Variants in RPRD1A observed in about 807,000 individuals in gnomAD.
RPRD1A encodes regulation of nuclear pre-mRNA domain-containing protein 1A.
In RPRD1A, 9 loss-of-function variants were observed where a neutral mutation model predicts 37.8. The ratio of observed to expected loss-of-function variants is 0.24; its 90% CI spans 0.14 to 0.42. The LOEUF is 0.42. RPRD1A is among the 10% of genes least tolerant of loss of function. The probability of loss-of-function intolerance (pLI) is 1.00; values close to 1 mark genes in which losing one functional copy is unlikely to be tolerated. For synonymous variants in RPRD1A, 138 were observed against 139.7 expected, an observed-to-expected ratio of 0.99 and a Z score of 0.08; for missense variants, 255 against 371.0, an observed-to-expected ratio of 0.69 and a Z score of 2.57.
Position 36,035,716 on chromosome 18 carries a change from A to C in RPRD1A, c.152-1879T>G, listed in dbSNP as rs34468273. On this transcript the variant is annotated intron_variant, in intron 1 of 6. Transcript: ENST00000399022. ...AACCTAACCCACTGATCAATGAATA[A>C]ACAAAATGTGAATTATATATTCAAT... 2.5e-3 allele frequency among the ~76,000 whole-genome samples: 381 copies of C among 152,362 alleles called. 3 individuals are homozygous for C. Among genetic ancestry groups the C allele is most frequent in the Non-Finnish European group, 4.6e-3 (313 of 68,022 alleles).
chr18:36,047,581 G>A (rs933971384), intron 1 of RPRD1A, among the ~76,000 whole-genome samples: 1 of 152,106 alleles, frequency 6.6e-6, no homozygotes, highest in African/African-American at 2.4e-5. Flanking sequence ...AAAGCCTCTA[G>A]CCAGAATGAC....
At chr18:36,044,127 G>A (rs1774194212) in intron 1 of RPRD1A, among the ~76,000 whole-genome samples, 1 of 152,150 alleles carries the variant, frequency 6.6e-6, no homozygotes, top group Admixed American at 6.5e-5. Context: ...TCATTTTAAT[G>A]TTGAATAGGC....
At chr18:36,025,811 C>T (rs943546891) in intron 6 of RPRD1A, 4 of 313,338 alleles carry the variant, frequency 1.3e-5, no homozygotes, top group Non-Finnish European at 2.4e-5. Context: ...GAGGTTTCAT[C>T]ACAAGGTGAA....
intron 6 of RPRD1A, 104 bp from the exon 7 acceptor site, chr18:35,993,404 A>G: frequency 2.7e-6 from 3 of 1,105,260 alleles, no homozygotes; most frequent in East Asian, 2.7e-5. Context: ...AGTTAATGCC[A>G]TATTTAAAAA....
chr18:36,056,681 G>GT (rs1913795660), intron 1 of RPRD1A, among the ~76,000 whole-genome samples: 1 of 151,864 alleles, frequency 6.6e-6, no homozygotes, highest in African/African-American at 2.4e-5. Flanking sequence ...TTCAACGTAA[G>GT]TATGGTAAAC....
chr18:36,035,788 A>G (rs994213369), intron 1 of RPRD1A, among the ~76,000 whole-genome samples: 1 of 152,226 alleles, frequency 6.6e-6, no homozygotes, highest in Non-Finnish European at 1.5e-5. Flanking sequence ...GACGCATGTT[A>G]CAACATGGAT....
At chr18:36,002,865 T>C (rs140773695) in intron 6 of RPRD1A, among the ~76,000 whole-genome samples, 1 of 152,318 alleles carries the variant, frequency 6.6e-6, no homozygotes, top group East Asian at 1.9e-4. Context: ...CGTTAGACTG[T>C]GTATAAGATC....
chr18:36,063,098 G>A (rs2088949257), intron 1 of RPRD1A: 1 of 152,194 alleles, frequency 6.6e-6, no homozygotes, highest in South Asian at 2.1e-4. Flanking sequence ...CAAAGATAAG[G>A]AAGGTAGGAA....
intron 1 of RPRD1A, 61 bp downstream of exon 1, chr18:36,067,193 C>T (rs2089049034): frequency 6.7e-7 from 1 of 1,499,576 alleles, no homozygotes; most frequent in Non-Finnish European, 9.0e-7. Context: ...AACGGGGTTC[C>T]CGGGGGCGCC....
intron 6 of RPRD1A, among the ~76,000 whole-genome samples, chr18:35,999,659 A>AT (rs1909301030): frequency 6.6e-6 from 1 of 152,106 alleles, no homozygotes; most frequent in Admixed American, 6.5e-5. Context: ...AAAAGAGAGA[A>AT]TTTCAACCAC....
chr18:36,041,205 A>G (rs946882866), intron 1 of RPRD1A, among the ~76,000 whole-genome samples: 1 of 152,192 alleles, frequency 6.6e-6, no homozygotes, highest in African/African-American at 2.4e-5. Context: ...AAAATCATAA[A>G]AATTTTTCAT....
chr18:36,026,092 T>C (rs1036167481), intron 6 of RPRD1A: 3 of 158,334 alleles, frequency 1.9e-5, no homozygotes, highest in Non-Finnish European at 2.8e-5. Context: ...TAGAGACTGC[T>C]GAATCAATAA....
At chr18:36,025,817 G>A (rs1272649640) in intron 6 of RPRD1A, 3 of 299,612 alleles carry the variant, frequency 1.0e-5, no homozygotes, top group Non-Finnish European at 1.9e-5. Context: ...TCATCACAAG[G>A]TGAAATAGTG....
At chr18:36,047,802 A>AT (rs1190245391) in intron 1 of RPRD1A, among the ~76,000 whole-genome samples, 2 of 152,244 alleles carry the variant, frequency 1.3e-5, no homozygotes, top group African/African-American at 2.4e-5. Flanking sequence ...GAATAGCCCT[A>AT]TAACAATTAA....
At chr18:36,021,548 G>C (rs1162774438) in intron 6 of RPRD1A, among the ~76,000 whole-genome samples, 1 of 152,190 alleles carries the variant, frequency 6.6e-6, no homozygotes, top group East Asian at 1.9e-4. Context: ...TCAAGTGAAA[G>C]AAAGAATCAT....
intron 6 of RPRD1A, among the ~76,000 whole-genome samples, chr18:36,021,093 C>T (rs983166775): frequency 6.6e-6 from 1 of 152,118 alleles, no homozygotes; most frequent in Non-Finnish European, 1.5e-5. Flanking sequence ...ATTTAGACCT[C>T]AAAAATATAA....
At chr18:36,048,923 T>C (rs1913164176) in intron 1 of RPRD1A, among the ~76,000 whole-genome samples, 1 of 152,206 alleles carries the variant, frequency 6.6e-6, no homozygotes, top group Non-Finnish European at 1.5e-5. Flanking sequence ...AATAAGTGCA[T>C]TCAGCAAGAG....
At chr18:36,066,391 C>G (rs2089031870) in intron 1 of RPRD1A, among the ~76,000 whole-genome samples, 1 of 152,194 alleles carries the variant, frequency 6.6e-6, no homozygotes, top group South Asian at 2.1e-4. Flanking sequence ...TCATATCCAT[C>G]AGGATGTTTG....
At chr18:36,046,302 C>T (rs1220521257) in intron 1 of RPRD1A, among the ~76,000 whole-genome samples, 1 of 152,074 alleles carries the variant, frequency 6.6e-6, no homozygotes, top group Non-Finnish European at 1.5e-5. Flanking sequence ...CTTCCAATCC[C>T]ACTCAGCAAT....
Sources: allele counts gnomAD v4.1 joint callset (sites outside exome capture counted in the v4.1 genomes callset), GRCh38; gene constraint gnomAD v4.1.1; transcripts MANE v1.5; gene names NCBI Gene and HGNC (gene_info 2026-07-23, HGNC 2026-07-21).